Variants in PHB1 observed in about 807,000 individuals in gnomAD.
PHB1 encodes the protein epididymis luminal protein 215.
chr17:49,410,872 G>A, the PHB1 span, among the ~76,000 whole-genome samples: 1 of 152,256 alleles, frequency 6.6e-6, no homozygotes, highest in Non-Finnish European at 1.5e-5. Flanking sequence ...GGGGTTAACA[G>A]ACTGATCCTA....
chr17:49,410,900 C>T, the PHB1 span, among the ~76,000 whole-genome samples: 3 of 152,202 alleles, frequency 2.0e-5, no homozygotes, highest in Non-Finnish European at 2.9e-5. Flanking sequence ...CTTCTCATTA[C>T]TTGGACCATT....
At chr17:49,405,929 T>C in the PHB1 span, among the ~76,000 whole-genome samples, 1 of 152,172 alleles carries the variant, frequency 6.6e-6, no homozygotes, top group African/African-American at 2.4e-5. Flanking sequence ...CCTACCAATA[T>C]CAATAGGAAG....
At chr17:49,412,129 T>C in the PHB1 span, 2 of 307,270 alleles carry the variant, frequency 6.5e-6, 1 homozygote, top group South Asian at 1.6e-4. Context: ...ATCCCTGAAC[T>C]CCCACCAACA....
chr17:49,411,839 A>G, the PHB1 span: 1 of 1,613,442 alleles, frequency 6.2e-7, no homozygotes, highest in Non-Finnish European at 8.5e-7. Context: ...CCCAGCATCC[A>G]CTAGGAAGAA....
chr17:49,406,271 G>C, the PHB1 span, among the ~76,000 whole-genome samples: 1 of 152,204 alleles, frequency 6.6e-6, no homozygotes, highest in South Asian at 2.1e-4. Context: ...AACAATAAAT[G>C]AACATGTCTT....
the PHB1 span, chr17:49,408,955 C>T: frequency 7.6e-6 from 6 of 792,374 alleles, no homozygotes; most frequent in African/African-American, 1.7e-5. Context: ...GAAGGGAGGA[C>T]CTAATAGCGT....
At chr17:49,408,853 G>T in the PHB1 span, 1 of 558,566 alleles carries the variant, frequency 1.8e-6, no homozygotes, top group Non-Finnish European at 3.2e-6. Context: ...TGTGGCAGGG[G>T]GAAGGTAAAA....
the PHB1 span, chr17:49,409,263 T>C: frequency 1.9e-6 from 3 of 1,603,582 alleles, no homozygotes; most frequent in African/African-American, 2.7e-5. Context: ...TGCCAAGCGC[T>C]TCCTGCCACC....
At chr17:49,409,519 T>A in the PHB1 span, 1 of 1,469,814 alleles carries the variant, frequency 6.8e-7, no homozygotes, top group Non-Finnish European at 9.3e-7. Context: ...AAAACCACTG[T>A]AGGAAAACAA....
At chr17:49,408,448 C>G in the PHB1 span, among the ~76,000 whole-genome samples, 1 of 152,232 alleles carries the variant, frequency 6.6e-6, no homozygotes, top group South Asian at 2.1e-4. Context: ...GCCTGCATTG[C>G]TTTCTGAGTT....
At chr17:49,410,516 G>A in the PHB1 span, among the ~76,000 whole-genome samples, 1 of 152,180 alleles carries the variant, frequency 6.6e-6, no homozygotes, top group Admixed American at 6.5e-5. Flanking sequence ...TCTAACAGGT[G>A]CCATGCAAAG....
At chr17:49,411,757 G>A in the PHB1 span, 2 of 1,614,022 alleles carry the variant, frequency 1.2e-6, no homozygotes, top group African/African-American at 2.7e-5. Context: ...CCCACGGGAT[G>A]AGAAAATGAG....
the PHB1 span, chr17:49,404,067 G>C: frequency 6.6e-6 from 1 of 152,510 alleles, no homozygotes; most frequent in African/African-American, 2.4e-5. Context: ...CGGAAGGTCT[G>C]GGTGTCATTT....
At chr17:49,409,766 C>T in the PHB1 span, among the ~76,000 whole-genome samples, 2 of 151,872 alleles carry the variant, frequency 1.3e-5, no homozygotes, top group African/African-American at 4.8e-5. Context: ...AAACTCCTGA[C>T]CTCAGGTGAT....
At chr17:49,405,848 A>AG in the PHB1 span, among the ~76,000 whole-genome samples, 2 of 152,224 alleles carry the variant, frequency 1.3e-5, no homozygotes, top group Non-Finnish European at 2.9e-5. Context: ...GACTGTTCCT[A>AG]GAGCTGCCTG....
At chr17:49,412,645 C>T in the PHB1 span, 1 of 152,758 alleles carries the variant, frequency 6.5e-6, no homozygotes, top group African/African-American at 2.4e-5. Context: ...GAGGAAGCTT[C>T]CACAGTAAAG....
chr17:49,406,597 A>G, the PHB1 span, among the ~76,000 whole-genome samples: 1 of 152,202 alleles, frequency 6.6e-6, no homozygotes, highest in Non-Finnish European at 1.5e-5. Context: ...GCCCCTGAAG[A>G]CTCTGGAACC....
chr17:49,413,511 C>CTT, the PHB1 span, among the ~76,000 whole-genome samples: 2 of 106,150 alleles, frequency 1.9e-5, no homozygotes, highest in Non-Finnish European at 1.9e-5. Context: ...TCTTTTCTTT[C>CTT]CTTTTTTTTT....
chr17:49,413,467 C>T, the PHB1 span, among the ~76,000 whole-genome samples: 1 of 149,420 alleles, frequency 6.7e-6, no homozygotes, highest in East Asian at 2.0e-4. Flanking sequence ...GGAAAGTGTA[C>T]TATCAATTCT....
Sources: allele counts gnomAD v4.1 joint callset (sites outside exome capture counted in the v4.1 genomes callset), GRCh38; gene constraint gnomAD v4.1.1; transcripts MANE v1.5; gene names NCBI Gene and HGNC (gene_info 2026-07-23, HGNC 2026-07-21).